SGCZ: variants seen among roughly 807,000 people sequenced by gnomAD.
SGCZ encodes the protein sarcoglycan zeta.
Under a neutral mutation model 41.3 loss-of-function variants are expected in SGCZ, and 40 were observed. The observed-to-expected ratio is 0.97, with a 90% CI of 0.75 to 1.26. SGCZ has a LOEUF of 1.26. SGCZ is among the 50% of genes most tolerant of loss of function. The pLI, the probability that SGCZ is intolerant of heterozygous loss-of-function variation, is 0.00. For missense variants in SGCZ, 552 were observed against 369.8 expected (o/e 1.49, Z -4.04); for synonymous variants, 206 against 137.5 (o/e 1.50, Z -3.49).
intron 3 of SGCZ, among the ~76,000 whole-genome samples, chr8:14,246,572 T>G (rs1433372174): frequency 1.3e-5 from 2 of 150,142 alleles, no homozygotes; most frequent in African/African-American, 2.5e-5. Flanking sequence ...ATTGTGCACA[T>G]GTACCCTAAA....
At chr8:14,997,290 T>A (rs80146715) in intron 1 of SGCZ, among the ~76,000 whole-genome samples, 2,580 of 152,346 alleles carry the variant, frequency 0.017, 68 homozygotes, top group African/African-American at 0.058. Flanking sequence ...TTCTTTGCTA[T>A]GAAACATTAT....
chr8:14,285,764 T>C (rs1012562416), intron 3 of SGCZ, among the ~76,000 whole-genome samples: 4 of 152,062 alleles, frequency 2.6e-5, no homozygotes, highest in Admixed American at 2.0e-4. Flanking sequence ...GATTTGTTAG[T>C]GTACGAGAAA....
chr8:14,913,300 T>C (rs977946468), intron 1 of SGCZ, among the ~76,000 whole-genome samples: 2 of 152,068 alleles, frequency 1.3e-5, no homozygotes, highest in African/African-American at 2.4e-5. Context: ...TGTATCTGTG[T>C]ACTGCCCTCT....
chr8:14,244,170 CCTCCTCTTCCTTCTTCCT>C (rs1798994576), intron 3 of SGCZ, among the ~76,000 whole-genome samples: 2 of 150,166 alleles, frequency 1.3e-5, no homozygotes, highest in African/African-American at 2.5e-5. Context: ...CCTTCTTCCT[CCTCCTCTTCCTTCTTCCT>C]CCTCCTCTTC....
intron 3 of SGCZ, among the ~76,000 whole-genome samples, chr8:14,312,322 G>GA (rs1314639236): frequency 1.3e-5 from 2 of 151,772 alleles, no homozygotes; most frequent in South Asian, 2.1e-4. Flanking sequence ...GAGTTTTGGG[G>GA]AAAAAAAGTA....
intron 1 of SGCZ, among the ~76,000 whole-genome samples, chr8:14,747,629 G>A (rs73531128): frequency 0.034 from 5,050 of 150,612 alleles, 155 homozygotes; most frequent in African/African-American, 0.072. Flanking sequence ...ATTCTGCAAT[G>A]TTGTACCTGG....
chr8:14,540,664 T>G (rs1192895098), intron 2 of SGCZ, among the ~76,000 whole-genome samples: 1 of 151,966 alleles, frequency 6.6e-6, no homozygotes, highest in Non-Finnish European at 1.5e-5. Context: ...ATAATGTCCT[T>G]ATGTTAGTGA....
chr8:14,393,460 A>C lies in SGCZ; in HGVS notation c.235-69256T>G, dbSNP rs138048832. ...CTGATCAACTGGAAAGCCAATTTAC[A>C]TAATAAGATTACGGTGGGGCGACCA... On this transcript the variant is annotated intron_variant, in intron 2 of 7. Transcript: ENST00000382080. Among the ~76,000 whole-genome samples, 4 of 152,284 alleles carry C rather than the reference A, an allele frequency of 2.6e-5. No individual in the cohort carries two copies. The East Asian group carries it at 7.7e-4, about 29-fold the overall frequency.
At chr8:14,732,279 G>A (rs963591730) in intron 1 of SGCZ, among the ~76,000 whole-genome samples, 1 of 152,076 alleles carries the variant, frequency 6.6e-6, no homozygotes, top group Non-Finnish European at 1.5e-5. Flanking sequence ...TTCAAGGAAT[G>A]ACAGGATACC....
chr8:15,026,085 T>A (rs1365254681), intron 1 of SGCZ, among the ~76,000 whole-genome samples: 2 of 152,202 alleles, frequency 1.3e-5, no homozygotes, highest in East Asian at 3.9e-4. Flanking sequence ...TTTAGACTAT[T>A]TACTTTGACT....
chr8:14,418,197 C>T (rs1034596737), intron 2 of SGCZ, among the ~76,000 whole-genome samples: 3 of 151,906 alleles, frequency 2.0e-5, no homozygotes, highest in Non-Finnish European at 4.4e-5. Flanking sequence ...GGGATGTATA[C>T]CACTGAGGCA....
At chr8:14,847,173 A>AGAAGAG (rs1803157199) in intron 1 of SGCZ, among the ~76,000 whole-genome samples, 1 of 145,758 alleles carries the variant, frequency 6.9e-6, no homozygotes, top group African/African-American at 2.6e-5. Context: ...AAGAAGAAGA[A>AGAAGAG]GAAGAAGAAG....
intron 2 of SGCZ, among the ~76,000 whole-genome samples, chr8:14,396,085 C>T (rs74367121): frequency 0.038 from 5,813 of 152,074 alleles, 346 homozygotes; most frequent in African/African-American, 0.13. Context: ...ACCATTTGCT[C>T]CCTCTTCTTG....
chr8:14,740,983 C>T (rs1799183963), intron 1 of SGCZ, among the ~76,000 whole-genome samples: 1 of 151,968 alleles, frequency 6.6e-6, no homozygotes, highest in African/African-American at 2.4e-5. Context: ...GCATAATCTG[C>T]CATTAAAAAT....
intron 2 of SGCZ, among the ~76,000 whole-genome samples, chr8:14,410,078 CA>C (rs1439745178): frequency 6.6e-6 from 1 of 152,034 alleles, no homozygotes; most frequent in Non-Finnish European, 1.5e-5. Context: ...CCAGTAAGAC[CA>C]GGGGTGGCGT....
intron 7 of SGCZ, among the ~76,000 whole-genome samples, chr8:14,091,557 G>A (rs1184218026): frequency 6.6e-6 from 1 of 152,086 alleles, no homozygotes; most frequent in Non-Finnish European, 1.5e-5. Flanking sequence ...GATTTGATAT[G>A]CATTTCTCTA....
chr8:14,237,487 C>A lies in SGCZ; in HGVS notation c.424+105G>T, dbSNP rs373412937. ...GACAGAGTGAGACTCTGTCTCAAAA[C>A]AACAACAACAACAACAACAACGACA... On this transcript the variant is annotated intron_variant, in intron 4 of 7. Coordinates refer to ENST00000382080, the MANE Select transcript of SGCZ (RefSeq NM_139167.4). 1,988 of 956,640 alleles carry A rather than the reference C, an allele frequency of 2.1e-3. 33 individuals carry two copies. In the African/African-American group the frequency reaches 0.031, roughly 15 times the overall value. 59.3% of individuals were successfully genotyped at this position (956,640 alleles called of 1,614,324 possible). A position where few individuals can be genotyped will look rare whatever the true frequency, so the allele number is the denominator to read the frequency against.
At chr8:14,093,125 C>T (rs144519352) in intron 7 of SGCZ, among the ~76,000 whole-genome samples, 1 of 152,014 alleles carries the variant, frequency 6.6e-6, no homozygotes, top group African/African-American at 2.4e-5. Flanking sequence ...TGATATATAG[C>T]TTATGATTGT....
chr8:14,838,697 T>A (rs1428772476), intron 1 of SGCZ, among the ~76,000 whole-genome samples: 1 of 152,200 alleles, frequency 6.6e-6, no homozygotes, highest in African/African-American at 2.4e-5. Context: ...CCTTTCCCTG[T>A]GACACGGCTT....
Sources: allele counts gnomAD v4.1 joint callset (sites outside exome capture counted in the v4.1 genomes callset), GRCh38; gene constraint gnomAD v4.1.1; transcripts MANE v1.5; gene names NCBI Gene and HGNC (gene_info 2026-07-23, HGNC 2026-07-21).